Variants in HECA observed in about 807,000 individuals in gnomAD.
HECA encodes HECA ribonucleoprotein granule regulator, also known as headcase protein homolog.
A neutral mutation model predicts 37.6 loss-of-function variants in HECA; 13 were observed. That is an observed-to-expected ratio of 0.35 (90% CI 0.23 to 0.55). HECA has a LOEUF of 0.55. Ranked by LOEUF, HECA falls within the 20% of genes least tolerant of loss-of-function variation. HECA has a pLI of 0.90. For missense variants in HECA, 527 were observed against 701.9 expected, an observed-to-expected ratio of 0.75 and a Z score of 2.82; for synonymous variants, 307 against 291.5, an observed-to-expected ratio of 1.05 and a Z score of -0.54.
At chr6:139,145,517 G>A (rs887662668) in intron 1 of HECA, among the ~76,000 whole-genome samples, 3 of 152,152 alleles carry the variant, frequency 2.0e-5, no homozygotes, top group Admixed American at 6.5e-5. Flanking sequence ...AGTTAGCATT[G>A]TTCTCATATA....
intron 2 of HECA, among the ~76,000 whole-genome samples, chr6:139,167,823 A>G (rs1227943544): frequency 6.6e-6 from 1 of 152,200 alleles, no homozygotes; most frequent in Non-Finnish European, 1.5e-5. Flanking sequence ...TTGAAAGCTC[A>G]GACATTAGCC....
Position 139,177,130 on chromosome 6 carries a change from T to A in HECA, c.*25T>A, listed in dbSNP as rs768947958. 1.2e-6 allele frequency: 1 copy of A among 820,036 alleles called. No individual in the cohort carries two copies. Among genetic ancestry groups the A allele is most frequent in the Non-Finnish European group, 2.1e-6 (1 of 465,790 alleles). The allele number at this position is 820,036 out of a possible 1,614,324, so 50.8% of individuals were successfully genotyped here. On this transcript the variant is annotated 3_prime_UTR_variant, in exon 4 of 4. Coordinates refer to ENST00000367658, the MANE Select transcript of HECA (RefSeq NM_016217.3). The surrounding 1 kb of genome is among the most constrained non-coding windows in gnomAD (Gnocchi z 4.9). ...ATGAAAGCTTTGCTTTAGTAATAGC[T>A]ATTTTATTGATATTATTACTTTATT...
At chr6:139,155,742 A>G (rs1232311833) in intron 1 of HECA, 1 of 151,982 alleles carries the variant, frequency 6.6e-6, no homozygotes, top group Non-Finnish European at 1.5e-5. Context: ...ATGATTTAGT[A>G]CCCCCAAGAT....
chr6:139,162,171 C>A (rs1330778417), intron 1 of HECA, among the ~76,000 whole-genome samples: 3 of 152,042 alleles, frequency 2.0e-5, no homozygotes. Context: ...TATGAAGAGT[C>A]CCCATGATGA....
At chr6:139,172,210 C>T (rs991889900) in intron 2 of HECA, among the ~76,000 whole-genome samples, 3 of 152,172 alleles carry the variant, frequency 2.0e-5, no homozygotes, top group Non-Finnish European at 4.4e-5. Context: ...ATGATCATCC[C>T]ATTTCAGCCT....
At chr6:139,152,674 T>G (rs1774665649) in intron 1 of HECA, among the ~76,000 whole-genome samples, 1 of 152,184 alleles carries the variant, frequency 6.6e-6, no homozygotes, top group Non-Finnish European at 1.5e-5. Flanking sequence ...CCTATACTAA[T>G]TAAAACAAGT....
intron 2 of HECA, among the ~76,000 whole-genome samples, chr6:139,173,365 C>T (rs1775003323): frequency 1.3e-5 from 2 of 152,180 alleles, no homozygotes; most frequent in South Asian, 4.1e-4. Context: ...GGTTCTTGCC[C>T]TCAAGGAGGA....
At chr6:139,175,733 C>T (rs1210477272) in intron 3 of HECA, among the ~76,000 whole-genome samples, 3 of 152,136 alleles carry the variant, frequency 2.0e-5, no homozygotes, top group African/African-American at 7.2e-5. Context: ...CCGTGTGACT[C>T]CTGTTCTGGT....
intron 1 of HECA, among the ~76,000 whole-genome samples, chr6:139,157,262 G>A (rs1021631122): frequency 7.9e-5 from 12 of 152,128 alleles, no homozygotes; most frequent in Admixed American, 2.6e-4. Context: ...GGTTTTGACC[G>A]GCTCCTTTAC....
chr6:139,152,828 T>C (rs1418988558), intron 1 of HECA, among the ~76,000 whole-genome samples: 1 of 152,232 alleles, frequency 6.6e-6, no homozygotes, highest in Non-Finnish European at 1.5e-5. Flanking sequence ...TACTTGCCGG[T>C]TAATCAGGAA....
chr6:139,159,730 T>C (rs1250110829), intron 1 of HECA, among the ~76,000 whole-genome samples: 2 of 152,158 alleles, frequency 1.3e-5, no homozygotes, highest in African/African-American at 2.4e-5. Flanking sequence ...TAAACACTTA[T>C]TTATGCAGTA....
rs1300703395 is a variant in HECA, at chr6:139,176,890, A to G, written c.1468-51A>G. On this transcript the variant is annotated intron_variant, in intron 3 of 3. Transcript: ENST00000367658. The surrounding 1 kb of genome is among the most constrained non-coding windows in gnomAD (Gnocchi z 4.5). Reference sequence around the variant, plus strand: ...CATTTTGGTTTGGATGACTTTGACAAGTGTTGGGAAGTGGAGGGGTGTTGT... The same window carrying G: ...CATTTTGGTTTGGATGACTTTGACAGGTGTTGGGAAGTGGAGGGGTGTTGT... The G allele has an allele frequency of 2.4e-6, 2 of 826,946 alleles. No homozygotes were observed. Among genetic ancestry groups the G allele is most frequent in the Non-Finnish European group, 2.1e-6 (1 of 469,974 alleles). The allele number at this position is 826,946 out of a possible 1,614,324, so 51.2% of individuals were successfully genotyped here.
intron 1 of HECA, among the ~76,000 whole-genome samples, chr6:139,150,333 AAAC>A (rs1483946492): frequency 2.0e-5 from 3 of 152,196 alleles, no homozygotes; most frequent in Admixed American, 6.5e-5. Context: ...GGCTGACAAA[AAAC>A]AATCTGTTAG....
chr6:139,157,034 TAGAC>T (rs1338613017), intron 1 of HECA, among the ~76,000 whole-genome samples: 2 of 152,234 alleles, frequency 1.3e-5, no homozygotes, highest in African/African-American at 4.8e-5. Context: ...GGCTACTCCA[TAGAC>T]AGAGCAGCCC....
chr6:139,146,804 T>G (rs1774591108), intron 1 of HECA, among the ~76,000 whole-genome samples: 1 of 152,258 alleles, frequency 6.6e-6, no homozygotes, highest in South Asian at 2.1e-4. Flanking sequence ...GATCCGTTCT[T>G]ACTGGGCAGT....
chr6:139,169,848 A>C (rs1443287519), intron 2 of HECA: 1 of 152,208 alleles, frequency 6.6e-6, no homozygotes, highest in Non-Finnish European at 1.5e-5. Context: ...TATAAGTCCT[A>C]AGTCTAGCCC....
rs796305627 is a variant in HECA at position 139,141,678 on chromosome 6, A to G, written c.271+6011A>G. On this transcript the variant is annotated intron_variant, in intron 1 of 3. Transcript: ENST00000367658. ...TCACATGGCAGAGAAGGTGAAAGGG[A>G]TGAACTTGTTCCTTCAAGCACTTTT... is the stretch of plus-strand genomic sequence containing the variant. Among the ~76,000 whole-genome samples, 5 of 152,056 alleles carry G rather than the reference A, an allele frequency of 3.3e-5. No individual in the cohort carries two copies. The South Asian group carries it at 6.2e-4, about 19-fold the overall frequency.
Position 139,177,052 on chromosome 6 carries a change from G to T in HECA, c.1579G>T (p.Asp527Tyr). 1.2e-6 allele frequency: 1 copy of T among 867,544 alleles called. No homozygotes were observed. Among genetic ancestry groups the T allele is most frequent in the Admixed American group, 1.7e-5 (1 of 59,138 alleles). The allele number at this position is 867,544 out of a possible 1,614,324, so 53.7% of individuals were successfully genotyped here. Residue 527 changes from aspartate to tyrosine, a missense_variant, in exon 4 of 4, where the codon GAC becomes TAC. By Grantham distance (160) the Asp-to-Tyr change is radical. Around this residue, in one of 4 missense-constraint regions of HECA, gnomAD observed 106 missense variants for 193.4 expected, o/e 0.55. Transcript: ENST00000367658. The surrounding 1 kb of genome is among the most constrained non-coding windows in gnomAD (Gnocchi z 4.9). The part of the protein sequence containing the change: ...VQQCPHCGNL[D>Y]YHFVKPFSSF... ...GCAGTGTCCACACTGTGGGAACCTG[G>T]ACTACCACTTCGTGAAGCCATTTTC...
chr6:139,138,198 C>T (rs1006896338), intron 1 of HECA, among the ~76,000 whole-genome samples: 3 of 151,688 alleles, frequency 2.0e-5, no homozygotes, highest in African/African-American at 7.3e-5. Flanking sequence ...TTGGGAGAGG[C>T]GTTACTGGTG....
Sources: gnomAD v4.1 joint callset for allele counts (sites outside exome capture counted in the v4.1 genomes callset) on GRCh38, gnomAD v4.1.1 for gene constraint, gnomAD v4.1.1 regional missense constraint, Gnocchi (gnomAD v3.1) non-coding constraint, MANE v1.5 for transcripts, NCBI Gene and HGNC (gene_info 2026-07-23, HGNC 2026-07-21) for gene names.